MAP3K5: variants seen among roughly 807,000 people sequenced by gnomAD.
MAP3K5 encodes the protein ASK-1.
In MAP3K5, 56 loss-of-function variants were observed where a neutral mutation model predicts 158.7. That is an observed-to-expected ratio of 0.35 (90% CI 0.28 to 0.44). MAP3K5 has a LOEUF of 0.44. MAP3K5 is among the 20% of genes least tolerant of loss of function. MAP3K5 has a pLI of 1.00. For missense variants in MAP3K5, 1,294 were observed against 1,674.8 expected, an observed-to-expected ratio of 0.77 and a Z score of 3.97; for synonymous variants, 579 against 601.7, an observed-to-expected ratio of 0.96 and a Z score of 0.55.
chr6:136,665,825 A>G (rs572581669), intron 8 of MAP3K5, among the ~76,000 whole-genome samples: 15 of 152,158 alleles, frequency 9.9e-5, no homozygotes, highest in Non-Finnish European at 2.1e-4. Flanking sequence ...TTCCTTGATT[A>G]TCTCTATTGA....
chr6:136,684,650 C>A (rs1158839554), intron 7 of MAP3K5, among the ~76,000 whole-genome samples: 2 of 152,120 alleles, frequency 1.3e-5, no homozygotes, highest in African/African-American at 4.8e-5. Flanking sequence ...CCCTTGAAAG[C>A]TGGCTCTCCT....
intron 14 of MAP3K5, among the ~76,000 whole-genome samples, chr6:136,633,380 A>C (rs1271928729): frequency 1.3e-5 from 2 of 151,966 alleles, no homozygotes; most frequent in African/African-American, 4.8e-5. Flanking sequence ...CCTGGGTGAC[A>C]GAGCAAGACT....
At chr6:136,616,297 CCTCTTT>C (rs202062933) in intron 15 of MAP3K5, among the ~76,000 whole-genome samples, 3,000 of 147,782 alleles carry the variant, frequency 0.02, 58 homozygotes, top group East Asian at 0.085. Context: ...CATACCTGCT[CCTCTTT>C]TTTTTTTTTT....
chr6:136,692,951 G>C (rs1420316828), intron 7 of MAP3K5, among the ~76,000 whole-genome samples: 1 of 150,904 alleles, frequency 6.6e-6, no homozygotes, highest in Admixed American at 6.6e-5. Context: ...GCAAGACCTT[G>C]TCTCAAAAAA....
At chr6:136,780,964 G>T (rs781583125) in intron 1 of MAP3K5, among the ~76,000 whole-genome samples, 1 of 152,020 alleles carries the variant, frequency 6.6e-6, no homozygotes, top group Non-Finnish European at 1.5e-5. Context: ...GCCTTCTTCT[G>T]CTTCTTAGTT....
chr6:136,666,268 A>G (rs1693637021), intron 8 of MAP3K5, among the ~76,000 whole-genome samples: 1 of 152,240 alleles, frequency 6.6e-6, no homozygotes, highest in African/African-American at 2.4e-5. Context: ...TTTGGGCAAC[A>G]CAGCATGACA....
intron 18 of MAP3K5, among the ~76,000 whole-genome samples, chr6:136,610,309 A>G (rs1258324758): frequency 6.6e-6 from 1 of 152,088 alleles, no homozygotes; most frequent in Non-Finnish European, 1.5e-5. Flanking sequence ...CCTCTTGGCT[A>G]CTGTTACCTT....
At chr6:136,621,852 C>T (rs918901188) in intron 15 of MAP3K5, among the ~76,000 whole-genome samples, 19 of 152,092 alleles carry the variant, frequency 1.2e-4, no homozygotes, top group Non-Finnish European at 2.1e-4. Context: ...TTTGGGAGGC[C>T]GAGGCGGGCG....
intron 1 of MAP3K5, among the ~76,000 whole-genome samples, chr6:136,751,373 A>C (rs1309471477): frequency 6.6e-6 from 1 of 152,240 alleles, no homozygotes; most frequent in Non-Finnish European, 1.5e-5. Context: ...AGCATTAAGG[A>C]AACACTCAAG....
In MAP3K5 at chr6:136,745,450, C is replaced by T. The variant is rs118154664; in HGVS notation, c.449-24861G>A. On this transcript the variant is annotated intron_variant, in intron 1 of 29. Coordinates refer to ENST00000359015, the MANE Select transcript of MAP3K5 (RefSeq NM_005923.4). Reference sequence around the variant, plus strand: ...GCACTCAAAGAGTTAAAGGAAAGGCCGGCCAGCTCCCTGCCTCTGGCTGCT... The same window carrying T: ...GCACTCAAAGAGTTAAAGGAAAGGCTGGCCAGCTCCCTGCCTCTGGCTGCT... Among the ~76,000 whole-genome samples the T allele has an allele frequency of 2.1e-3, 326 of 152,180 alleles. 6 individuals are homozygous for T. The South Asian group carries it at 0.032, about 15-fold the overall frequency.
intron 1 of MAP3K5, among the ~76,000 whole-genome samples, chr6:136,758,122 T>C (rs746970625): frequency 9.2e-5 from 14 of 152,198 alleles, no homozygotes; most frequent in Non-Finnish European, 1.8e-4. Context: ...TAGGAACAAA[T>C]GCTATTTTGA....
chr6:136,681,384 A>C (rs994407093), intron 7 of MAP3K5, among the ~76,000 whole-genome samples: 6 of 152,220 alleles, frequency 3.9e-5, no homozygotes, highest in African/African-American at 1.4e-4. Context: ...CTGTAATCCC[A>C]GAAATCTGGA....
chr6:136,786,000 C>T (rs1784829148), intron 1 of MAP3K5, among the ~76,000 whole-genome samples: 1 of 152,132 alleles, frequency 6.6e-6, no homozygotes, highest in Admixed American at 6.5e-5. Flanking sequence ...AACATTTAAC[C>T]TGAATGAATG....
chr6:136,769,756 G>A (rs1197850411), intron 1 of MAP3K5, among the ~76,000 whole-genome samples: 1 of 27,104 alleles, frequency 3.7e-5, no homozygotes, highest in African/African-American at 2.3e-4. Context: ...AGGAAGGAAG[G>A]AAGGAAGGAA....
chr6:136,625,352 C>T (rs908211657), intron 14 of MAP3K5, among the ~76,000 whole-genome samples: 2 of 152,208 alleles, frequency 1.3e-5, no homozygotes, highest in African/African-American at 4.8e-5. Context: ...GCTGACCTCT[C>T]ATGTGGGGCT....
At chr6:136,618,454 G>A (rs1019609715) in intron 15 of MAP3K5, among the ~76,000 whole-genome samples, 1 of 152,174 alleles carries the variant, frequency 6.6e-6, no homozygotes, top group Non-Finnish European at 1.5e-5. Context: ...TGTTGGTGTT[G>A]GTGTGCTTTG....
intron 25 of MAP3K5, among the ~76,000 whole-genome samples, chr6:136,568,328 G>A (rs372759041): frequency 2.6e-5 from 4 of 152,170 alleles, no homozygotes; most frequent in Admixed American, 6.5e-5. Flanking sequence ...ATAAACACAC[G>A]TGAATATGCA....
At chr6:136,773,307 G>A (rs1379691797) in intron 1 of MAP3K5, among the ~76,000 whole-genome samples, 4 of 152,012 alleles carry the variant, frequency 2.6e-5, no homozygotes, top group Admixed American at 6.6e-5. Flanking sequence ...TGCTTTCCTC[G>A]TGAACACATT....
chr6:136,653,805 AT>A (rs1456864827), intron 10 of MAP3K5, among the ~76,000 whole-genome samples: 3 of 152,192 alleles, frequency 2.0e-5, no homozygotes, highest in Non-Finnish European at 4.4e-5. Flanking sequence ...GTAGACTGGC[AT>A]TTTCTAGACA....
Sources: allele counts gnomAD v4.1 joint callset (sites outside exome capture counted in the v4.1 genomes callset), GRCh38; gene constraint gnomAD v4.1.1; transcripts MANE v1.5; gene names NCBI Gene and HGNC (gene_info 2026-07-23, HGNC 2026-07-21).